Variants in BBS9 observed in about 807,000 individuals in gnomAD.
BBS9 encodes the protein Bardet-Biedl syndrome 9.
In BBS9, 89 loss-of-function variants were observed where a neutral mutation model predicts 117.7. That is an observed-to-expected ratio of 0.76 (90% CI 0.64 to 0.90). The LOEUF (loss-of-function observed/expected upper bound fraction) is 0.90. Ranked by LOEUF, BBS9 falls within the 40% of genes least tolerant of loss-of-function variation. BBS9 has a pLI of 0.00. For synonymous variants in BBS9, 379 were observed against 370.9 expected (o/e 1.02, Z -0.25); for missense variants, 982 against 1,042.2 (o/e 0.94, Z 0.80).
At chr7:33,595,302 A>G (rs1862559634) in intron 21 of BBS9, among the ~76,000 whole-genome samples, 1 of 152,154 alleles carries the variant, frequency 6.6e-6, no homozygotes, top group Non-Finnish European at 1.5e-5. Context: ...CCATCTGACA[A>G]TGGTCTAATA....
At chr7:33,429,298 T>A (rs900627180) in intron 19 of BBS9, among the ~76,000 whole-genome samples, 1 of 151,948 alleles carries the variant, frequency 6.6e-6, no homozygotes, top group African/African-American at 2.4e-5. Flanking sequence ...AAAAAAAAAA[T>A]TCAGCCAGAA....
Position 33,173,644 on chromosome 7 carries a change from T to C in BBS9, c.329-3834T>C, listed in dbSNP as rs575193193. ...AATAGCCATCCCTAGATGAGACTAT[T>C]TGGGGAGCCATCATTTTCAAATTTA... On this transcript the variant is annotated intron_variant, in intron 4 of 22. Transcript: ENST00000242067. 2.0e-5 allele frequency among the ~76,000 whole-genome samples: 3 copies of C among 152,280 alleles called. No individual in the cohort carries two copies. In the East Asian group the frequency reaches 5.8e-4, roughly 29 times the overall value.
At chr7:33,226,034 G>A (rs1362296405) in intron 5 of BBS9, among the ~76,000 whole-genome samples, 1 of 152,090 alleles carries the variant, frequency 6.6e-6, no homozygotes, top group Non-Finnish European at 1.5e-5. Flanking sequence ...ATAGCCAAAG[G>A]TACAGCACAC....
chr7:33,346,765 T>C (rs1402886815), intron 12 of BBS9, among the ~76,000 whole-genome samples: 1 of 152,220 alleles, frequency 6.6e-6, no homozygotes, highest in Non-Finnish European at 1.5e-5. Flanking sequence ...AATTCTGTGA[T>C]TATTGTCTAA....
intron 19 of BBS9, among the ~76,000 whole-genome samples, chr7:33,419,766 T>A (rs952874320): frequency 2.6e-5 from 4 of 152,184 alleles, no homozygotes; most frequent in African/African-American, 7.2e-5. Context: ...ATCATCAGGT[T>A]CAGAGAGATT....
intron 1 of BBS9, among the ~76,000 whole-genome samples, chr7:33,143,025 A>G (rs1791754685): frequency 6.6e-6 from 1 of 151,790 alleles, no homozygotes; most frequent in Non-Finnish European, 1.5e-5. Context: ...GCAGGAGTGC[A>G]GTGGCGCGAT....
In BBS9 at chr7:33,605,209, C is replaced by T; in HGVS notation, c.2647C>T (p.Gln883Ter). ...ETPRPEVSPL[Q>*]GVSE ...TTTTTTTCCAGAAGTTTCACCCCTC[C>T]AAGGAGTCTCGGAATAATTCAAGTA... Residue 883 changes from glutamine to a stop codon, truncating the protein, a stop_gained, in exon 23 of 23, where the codon CAA (glutamine) becomes TAA (stop). Coordinates refer to ENST00000242067, the MANE Select transcript of BBS9 (RefSeq NM_198428.3). LOFTEE classifies it high-confidence loss of function. The T allele has an allele frequency of 6.2e-7, 1 of 1,612,788 alleles. No homozygotes were observed. The highest frequency in any genetic ancestry group is 8.5e-7 in the Non-Finnish European group (1 of 1,178,838).
At chr7:33,618,961 A>T (rs1865276336) in intron 21 of BBS9, among the ~76,000 whole-genome samples, 1 of 152,118 alleles carries the variant, frequency 6.6e-6, no homozygotes, top group Non-Finnish European at 1.5e-5. Context: ...AATAGAACAA[A>T]AGTACTACAA....
chr7:33,408,722 T>G (rs1830554656), intron 19 of BBS9, among the ~76,000 whole-genome samples: 1 of 152,230 alleles, frequency 6.6e-6, no homozygotes, highest in Non-Finnish European at 1.5e-5. Context: ...TTTGGGTCTG[T>G]ACTCTGTAAT....
At position 33,547,811 on chromosome 7, in the gene BBS9, A is replaced by G. The variant is rs577081034; in HGVS notation, c.2521+13635A>G. 2.0e-5 allele frequency among the ~76,000 whole-genome samples: 3 copies of G among 152,278 alleles called. No individual in the cohort carries two copies. The South Asian group carries it at 6.2e-4, about 32-fold the overall frequency. ...TGTTTCAAAATCGTTTTGAAAGTCA[A>G]GCTATAGTTTATAAATAAAGAGGTG... On this transcript the variant is annotated intron_variant, in intron 21 of 22. Coordinates refer to ENST00000242067, the MANE Select transcript of BBS9 (RefSeq NM_198428.3).
In BBS9 at chr7:33,515,757, A is replaced by G. The variant is rs1331713218; in HGVS notation, c.2298+10112A>G. Among the ~76,000 whole-genome samples the G allele has an allele frequency of 3.3e-5, 5 of 152,228 alleles. No homozygotes were observed. In the East Asian group the frequency reaches 9.6e-4, roughly 29 times the overall value. The stretch of plus-strand genomic sequence containing the variant: ...TGTGCGTGTCTTTCAGTAACAAAGC[A>G]TAACACAGTTTATTCTATCTGGATG... On this transcript the variant is annotated intron_variant, in intron 20 of 22. Coordinates refer to ENST00000242067, the MANE Select transcript of BBS9 (RefSeq NM_198428.3).
intron 9 of BBS9, among the ~76,000 whole-genome samples, chr7:33,330,392 A>G (rs1813780760): frequency 6.6e-6 from 1 of 152,184 alleles, no homozygotes; most frequent in African/African-American, 2.4e-5. Flanking sequence ...GTTGTATTTT[A>G]TATTGGTTGC....
chr7:33,600,189 C>G (rs1863580596), intron 21 of BBS9, among the ~76,000 whole-genome samples: 1 of 152,190 alleles, frequency 6.6e-6, no homozygotes, highest in African/African-American at 2.4e-5. Flanking sequence ...AGACTGGCAT[C>G]TGTCTGCAAA....
intron 3 of BBS9, among the ~76,000 whole-genome samples, chr7:33,153,160 G>C (rs1158121559): frequency 1.3e-5 from 2 of 152,108 alleles, no homozygotes; most frequent in Non-Finnish European, 2.9e-5. Context: ...CTTATTTAAA[G>C]TTATATAAGT....
intron 21 of BBS9, among the ~76,000 whole-genome samples, chr7:33,597,880 A>AG (rs1863119101): frequency 6.6e-6 from 1 of 151,722 alleles, no homozygotes; most frequent in South Asian, 2.1e-4. Flanking sequence ...ACCAAAAAAA[A>AG]AAAAAAACAA....
At chr7:33,349,784 A>G (rs1040353821) in intron 13 of BBS9, among the ~76,000 whole-genome samples, 1 of 152,116 alleles carries the variant, frequency 6.6e-6, no homozygotes, top group Non-Finnish European at 1.5e-5. Flanking sequence ...TTCTTTAGTG[A>G]TCTATTTATT....
chr7:33,465,692 C>A (rs756914224), intron 19 of BBS9, among the ~76,000 whole-genome samples: 25 of 152,018 alleles, frequency 1.6e-4, no homozygotes, highest in Non-Finnish European at 3.2e-4. Context: ...AGTGTGGTGA[C>A]AATAGCCTCA....
chr7:33,164,000 A>T (rs1229267013), intron 4 of BBS9, among the ~76,000 whole-genome samples: 3 of 152,120 alleles, frequency 2.0e-5, no homozygotes, highest in Non-Finnish European at 4.4e-5. Context: ...ACACTGCTTT[A>T]AATGTGTCCC....
At chr7:33,608,597 A>G (rs1369442271), downstream of BBS9, among the ~76,000 whole-genome samples, 1 of 152,058 alleles carries the variant, frequency 6.6e-6, no homozygotes, top group African/African-American at 2.4e-5. Flanking sequence ...AGGGTGTCTC[A>G]TTGTGGCTTC....
Sources: gnomAD v4.1 joint callset for allele counts (sites outside exome capture counted in the v4.1 genomes callset) on GRCh38, gnomAD v4.1.1 for gene constraint, MANE v1.5 for transcripts, NCBI Gene and HGNC (gene_info 2026-07-23, HGNC 2026-07-21) for gene names.